Variants in GNG12 observed in about 807,000 individuals in gnomAD.
GNG12 encodes the protein guanine nucleotide-binding protein G(I)/G(S)/G(O) subunit gamma-12.
For synonymous variants in GNG12, 28 were observed against 29.7 expected (o/e 0.94, Z 0.19); for missense variants, 69 against 83.8 (o/e 0.82, Z 0.69).
At chr1:67,781,056 A>C (rs1464832722) in intron 1 of GNG12, among the ~76,000 whole-genome samples, 2 of 152,220 alleles carry the variant, frequency 1.3e-5, no homozygotes, top group Non-Finnish European at 2.9e-5. Context: ...ACTTTCCTCT[A>C]ACAGTGAGAA....
At chr1:67,723,556 T>G (rs1055018248) in intron 2 of GNG12, among the ~76,000 whole-genome samples, 5 of 152,342 alleles carry the variant, frequency 3.3e-5, no homozygotes, top group Middle Eastern at 3.4e-3. Flanking sequence ...TTTTTTGGAA[T>G]TAAGAGTTAA....
At chr1:67,717,234 G>T (rs765765809) in intron 2 of GNG12, among the ~76,000 whole-genome samples, 1 of 152,002 alleles carries the variant, frequency 6.6e-6, no homozygotes, top group South Asian at 2.1e-4. Context: ...GACACTACTC[G>T]GCCGGGTATG....
chr1:67,797,050 TC>T (rs1184862070), intron 1 of GNG12, among the ~76,000 whole-genome samples: 1 of 152,148 alleles, frequency 6.6e-6, no homozygotes, highest in African/African-American at 2.4e-5. Flanking sequence ...TTATGAGGGA[TC>T]TGCTGCCATG....
At chr1:67,763,652 C>T (rs1432008636) in intron 2 of GNG12, among the ~76,000 whole-genome samples, 1 of 152,030 alleles carries the variant, frequency 6.6e-6, no homozygotes, top group East Asian at 1.9e-4. Flanking sequence ...CCTGCCTCAG[C>T]CTCCAGGGTA....
chr1:67,780,512 C>T (rs1242773565), intron 1 of GNG12, among the ~76,000 whole-genome samples: 1 of 152,154 alleles, frequency 6.6e-6, no homozygotes, highest in Non-Finnish European at 1.5e-5. Flanking sequence ...TTTGTCTCTC[C>T]AGGACCTAGT....
chr1:67,812,601 A>C (rs963553459), intron 1 of GNG12, among the ~76,000 whole-genome samples: 3 of 152,218 alleles, frequency 2.0e-5, no homozygotes, highest in African/African-American at 7.2e-5. Context: ...TTTGGCACAA[A>C]GCAGCTGCAC....
chr1:67,786,901 C>T (rs1646770736), intron 1 of GNG12, among the ~76,000 whole-genome samples: 1 of 148,996 alleles, frequency 6.7e-6, no homozygotes, highest in Non-Finnish European at 1.5e-5. Context: ...TGAGCCACTG[C>T]ACTCCAGCCT....
At chr1:67,720,123 G>C (rs1646348590) in intron 2 of GNG12, among the ~76,000 whole-genome samples, 1 of 152,214 alleles carries the variant, frequency 6.6e-6, no homozygotes, top group African/African-American at 2.4e-5. Context: ...TGAGAAGCCT[G>C]GGTGGAGCTT....
intron 2 of GNG12, among the ~76,000 whole-genome samples, chr1:67,747,142 C>T (rs1456466332): frequency 3.9e-5 from 6 of 152,244 alleles, no homozygotes; most frequent in South Asian, 2.1e-4. Context: ...GTTTTTGAGA[C>T]GGACTCTTGC....
At chr1:67,741,966 G>A (rs1646485169) in intron 2 of GNG12, among the ~76,000 whole-genome samples, 1 of 152,152 alleles carries the variant, frequency 6.6e-6, no homozygotes, top group African/African-American at 2.4e-5. Flanking sequence ...TGCTCTACTT[G>A]CCTGGGCCCA....
chr1:67,785,066 C>G (rs986625242), intron 1 of GNG12, among the ~76,000 whole-genome samples: 3 of 152,096 alleles, frequency 2.0e-5, no homozygotes, highest in East Asian at 3.9e-4. Context: ...CACAGGACCC[C>G]TTGTGAAAGG....
At position 67,701,983 on chromosome 1, in the gene GNG12, G is replaced by C. The variant is rs370760576; in HGVS notation, c.*3468C>G. On this transcript the variant is annotated 3_prime_UTR_variant, in exon 4 of 4. Transcript: ENST00000370982. ...TTTGGACCAAGGCATCTGGGAACAG[G>C]AAGGGCTCTCAGCCATCATCTACTG... 3.9e-5 allele frequency: 6 copies of C among 152,672 alleles called. No homozygotes were observed. The East Asian group carries it at 1.2e-3, about 29-fold the overall frequency. The allele number at this position is 152,672 out of a possible 1,614,324, so 9.5% of individuals were successfully genotyped here.
intron 1 of GNG12, among the ~76,000 whole-genome samples, chr1:67,800,202 T>C (rs1379723029): frequency 6.6e-6 from 1 of 152,216 alleles, no homozygotes. Context: ...CACTGAATTA[T>C]ACAGGTTTTC....
intron 2 of GNG12, among the ~76,000 whole-genome samples, chr1:67,730,095 G>T (rs556705431): frequency 6.6e-6 from 1 of 152,310 alleles, no homozygotes; most frequent in Non-Finnish European, 1.5e-5. Flanking sequence ...AACACAATGA[G>T]TCACTCAATA....
At chr1:67,802,609 G>T (rs1335587422) in intron 1 of GNG12, among the ~76,000 whole-genome samples, 1 of 152,130 alleles carries the variant, frequency 6.6e-6, no homozygotes, top group Non-Finnish European at 1.5e-5. Context: ...ATTAGGGAGA[G>T]CATCATTTAA....
At chr1:67,818,451 T>A in intron 1 of GNG12, among the ~76,000 whole-genome samples, 1 of 139,562 alleles carries the variant, frequency 7.2e-6, no homozygotes, top group African/African-American at 2.8e-5. Flanking sequence ...TACTTCCAAT[T>A]CAATATGGAC....
intron 1 of GNG12, among the ~76,000 whole-genome samples, chr1:67,823,789 T>C (rs1377082411): frequency 6.6e-6 from 1 of 152,238 alleles, no homozygotes; most frequent in East Asian, 1.9e-4. Flanking sequence ...GTCCCACTTC[T>C]GGGAATCAAT....
intron 1 of GNG12, among the ~76,000 whole-genome samples, chr1:67,798,707 G>C (rs1646846445): frequency 6.6e-6 from 1 of 152,060 alleles, no homozygotes; most frequent in African/African-American, 2.4e-5. Context: ...TGTAATCCCA[G>C]CACTTCGGTT....
intron 2 of GNG12, among the ~76,000 whole-genome samples, chr1:67,723,215 T>C (rs1570486361): frequency 6.6e-6 from 1 of 152,164 alleles, no homozygotes; most frequent in African/African-American, 2.4e-5. Flanking sequence ...GAAATGGCTG[T>C]TGATTTCCAA....
Sources: gnomAD v4.1 joint callset for allele counts (sites outside exome capture counted in the v4.1 genomes callset) on GRCh38, gnomAD v4.1.1 for gene constraint, MANE v1.5 for transcripts, NCBI Gene and HGNC (gene_info 2026-07-23, HGNC 2026-07-21) for gene names.